The following TNS4 variants were observed in gnomAD, a reference collection of about 807,000 sequenced individuals.
TNS4 encodes tensin 4.
TNS4 carries 46 observed loss-of-function variants against 70.4 expected under a neutral mutation model. That is an observed-to-expected ratio of 0.65 (90% confidence interval 0.52 to 0.84). TNS4 has a LOEUF of 0.84. Among genes scored for constraint, TNS4 ranks in the 40% least tolerant of loss-of-function variants. The pLI is 0.00. For missense variants in TNS4, 863 were observed against 907.0 expected, an observed-to-expected ratio of 0.95 and a Z score of 0.62; for synonymous variants, 390 against 366.6, an observed-to-expected ratio of 1.06 and a Z score of -0.73.
At chr17:40,494,353 GA>G (rs1445732491) in intron 2 of TNS4, among the ~76,000 whole-genome samples, 2 of 152,258 alleles carry the variant, frequency 1.3e-5, no homozygotes, top group Non-Finnish European at 2.9e-5. Context: ...AGCAGCTTGT[GA>G]AAGCTCTGCC....
At chr17:40,478,388 C>A (rs1597686453) in intron 11 of TNS4, 55 bp from the exon 12 acceptor site, 1 of 1,597,984 alleles carries the variant, frequency 6.3e-7, no homozygotes, top group African/African-American at 1.4e-5. Context: ...TGCCACAGGA[C>A]CCTGGAGGAG....
At chr17:40,500,016 CAG>C (rs1216071899) in intron 1 of TNS4, among the ~76,000 whole-genome samples, 1 of 152,196 alleles carries the variant, frequency 6.6e-6, no homozygotes, top group Admixed American at 6.5e-5. Flanking sequence ...GTGATAATAA[CAG>C]ACACTGAACA....
intron 7 of TNS4, 49 bp from the exon 8 acceptor site, chr17:40,482,255 C>T: frequency 6.2e-7 from 1 of 1,613,840 alleles, no homozygotes; most frequent in Non-Finnish European, 8.5e-7. Flanking sequence ...CCCAACCCAC[C>T]CCTCAGCTCA....
At chr17:40,488,998 GA>G in intron 2 of TNS4, 29 bp from the exon 3 acceptor site, 1 of 1,530,670 alleles carries the variant, frequency 6.5e-7, no homozygotes, top group Non-Finnish European at 8.7e-7. Flanking sequence ...GAGCATTGGT[GA>G]AATGCAGGAG....
intron 4 of TNS4, 64 bp from the exon 5 acceptor site, chr17:40,485,071 C>A: frequency 6.9e-7 from 1 of 1,452,200 alleles, no homozygotes; most frequent in South Asian, 1.1e-5. Context: ...GGATGTTCAC[C>A]AGAGAAGGCT....
intron 10 of TNS4, 105 bp downstream of exon 10, chr17:40,479,569 A>G: frequency 1.4e-6 from 2 of 1,441,056 alleles, no homozygotes; most frequent in Non-Finnish European, 1.9e-6. Context: ...TGGGTCATCC[A>G]GAACCCTGAA....
chr17:40,487,860 G>A (rs2036012863), intron 3 of TNS4, among the ~76,000 whole-genome samples: 1 of 152,210 alleles, frequency 6.6e-6, no homozygotes, highest in African/African-American at 2.4e-5. Flanking sequence ...CGTGGCTGAT[G>A]CAGAGGGAAC....
At chr17:40,500,008 GATA>G (rs921360652) in intron 1 of TNS4, among the ~76,000 whole-genome samples, 1 of 152,202 alleles carries the variant, frequency 6.6e-6, no homozygotes, top group African/African-American at 2.4e-5. Context: ...ATGGGGATGT[GATA>G]ATAACAGACA....
chr17:40,497,101 C>T (rs954479461), intron 1 of TNS4, among the ~76,000 whole-genome samples: 2 of 152,036 alleles, frequency 1.3e-5, no homozygotes, highest in African/African-American at 4.8e-5. Flanking sequence ...TGCACTTGGG[C>T]CGGTTGGTGA....
intron 4 of TNS4, among the ~76,000 whole-genome samples, chr17:40,485,660 G>T (rs1162367007): frequency 6.6e-6 from 1 of 152,240 alleles, no homozygotes; most frequent in South Asian, 2.1e-4. Context: ...AAGATCTGGG[G>T]GTATAGTTGG....
At chr17:40,489,280 C>T (rs568803607) in intron 2 of TNS4, among the ~76,000 whole-genome samples, 105 of 152,280 alleles carry the variant, frequency 6.9e-4, no homozygotes, top group African/African-American at 2.5e-3. Context: ...CCACCCAGGG[C>T]CTCAGTTTCC....
intron 5 of TNS4, 146 bp downstream of exon 5, chr17:40,484,775 G>T (rs1009644647): frequency 5.9e-6 from 8 of 1,359,042 alleles, no homozygotes; most frequent in Middle Eastern, 2.1e-4. Flanking sequence ...CTACTTCCTC[G>T]GGAGGTCATG....
chr17:40,476,419 T>TGC lies in TNS4; in HGVS notation c.*1168_*1169insGC, dbSNP rs945219494. The TGC allele has an allele frequency of 7.3e-6, 1 of 136,956 alleles. No individual in the cohort carries two copies. Among genetic ancestry groups the TGC allele is most frequent in the Non-Finnish European group, 1.5e-5 (1 of 66,806 alleles). The allele number at this position is 136,956 out of a possible 1,614,324, so 8.5% of individuals were successfully genotyped here. ...GTGTGTGTGTGTGTGTGTGTGTGTG[T>TGC]GTGTGTGTGTTGGAGCGTGGGTTGG... On this transcript the variant is annotated 3_prime_UTR_variant, in exon 13 of 13. Transcript: ENST00000254051.
intron 2 of TNS4, among the ~76,000 whole-genome samples, chr17:40,492,432 G>T (rs1020357013): frequency 2.6e-5 from 4 of 151,984 alleles, no homozygotes; most frequent in Non-Finnish European, 5.9e-5. Context: ...ACAGTGGCGG[G>T]ATCTTGGCTC....
At chr17:40,490,383 C>T (rs1050674303) in intron 2 of TNS4, among the ~76,000 whole-genome samples, 7 of 152,214 alleles carry the variant, frequency 4.6e-5, no homozygotes, top group Non-Finnish European at 2.9e-5. Context: ...TGGTGCTGTT[C>T]CAGCAAAGCT....
chr17:40,500,606 C>T (rs558084867), intron 1 of TNS4, among the ~76,000 whole-genome samples: 1 of 152,228 alleles, frequency 6.6e-6, no homozygotes, highest in African/African-American at 2.4e-5. Flanking sequence ...GTCCTGGTGC[C>T]TTGGCAAATC....
chr17:40,482,362 C>T lies in TNS4; in HGVS notation c.1556G>A (p.Gly519Glu). ...RHFLIESSAK[G>E]VHLKGADEEP... ...CTCATCTGCTCCTTTGAGATGCACT[C>T]CTTTGGCAGACGACTCGATGAGGAA... The change falls in exon 7 of 13, where the codon GGA (glycine) becomes GAA (glutamate). Residue 519 changes from glycine (G) to glutamate (E), a missense_variant. Coordinates refer to ENST00000254051, the MANE Select transcript of TNS4 (RefSeq NM_032865.6). The T allele has an allele frequency of 6.2e-7, 1 of 1,614,170 alleles. No homozygotes were observed. Among genetic ancestry groups the T allele is most frequent in the Non-Finnish European group, 8.5e-7 (1 of 1,180,038 alleles).
chr17:40,479,818 G>A lies in TNS4; in HGVS notation c.1766C>T (p.Ser589Leu), dbSNP rs2035898075. Residue 589 changes from serine to leucine, a missense_variant, in exon 10 of 13, where the codon TCA (serine) becomes TTA (leucine). Transcript: ENST00000254051. ...SAGCHTLYLS[S>L]VSVETLTGAL... is the part of the protein sequence containing the mutation. Reference sequence around the variant, plus strand: ...TCCAGTCAGGGTCTCCACGCTCACTGAGCTCAGGTACAGGGTGTGGCAGCC... The same window carrying A: ...TCCAGTCAGGGTCTCCACGCTCACTAAGCTCAGGTACAGGGTGTGGCAGCC... The A allele has an allele frequency of 6.2e-7, 1 of 1,613,028 alleles. No homozygotes were observed. The highest frequency in any genetic ancestry group is 1.3e-5 in the African/African-American group (1 of 74,904).
intron 2 of TNS4, among the ~76,000 whole-genome samples, chr17:40,493,471 C>T (rs2036101718): frequency 6.6e-6 from 1 of 152,154 alleles, no homozygotes; most frequent in African/African-American, 2.4e-5. Flanking sequence ...ATTTTGGGTG[C>T]AGGTGTCTGC....
Sources: gnomAD v4.1 joint callset for allele counts (sites outside exome capture counted in the v4.1 genomes callset) on GRCh38, gnomAD v4.1.1 for gene constraint, MANE v1.5 for transcripts, NCBI Gene and HGNC (gene_info 2026-07-23, HGNC 2026-07-21) for gene names.